The following CNIH1 variants were observed in gnomAD, a reference collection of about 807,000 sequenced individuals.
CNIH1 encodes cornichon family member 1, also known as protein cornichon homolog 1.
Under a neutral mutation model 20.2 loss-of-function variants are expected in CNIH1, and 12 were observed. The ratio of observed to expected loss-of-function variants is 0.59; its 90% confidence interval spans 0.38 to 0.96. The LOEUF is 0.96. CNIH1 is among the 40% of genes least tolerant of loss of function. The pLI, the probability that CNIH1 is intolerant of heterozygous loss-of-function variation, is 0.00. For synonymous variants in CNIH1, 69 were observed against 63.3 expected (o/e 1.09, Z -0.43); for missense variants, 152 against 178.8 (o/e 0.85, Z 0.85).
intron 2 of CNIH1, chr14:54,435,953 G>C: frequency 3.4e-6 from 2 of 592,544 alleles, no homozygotes; most frequent in South Asian, 4.3e-5. Context: ...GAAATTTCAT[G>C]AAATCATAAA....
intron 1 of CNIH1, among the ~76,000 whole-genome samples, chr14:54,437,713 T>C (rs891513133): frequency 6.6e-6 from 1 of 152,002 alleles, no homozygotes; most frequent in Non-Finnish European, 1.5e-5. Flanking sequence ...CAGGGGGATT[T>C]CCCTTGGCTA....
chr14:54,429,053 C>T (rs950558348), intron 4 of CNIH1, among the ~76,000 whole-genome samples: 2 of 152,108 alleles, frequency 1.3e-5, no homozygotes, highest in African/African-American at 4.8e-5. Flanking sequence ...AAAGTCCTCT[C>T]TAGTTGAGTA....
chr14:54,432,003 A>G lies in CNIH1; in HGVS notation c.263+105T>C, dbSNP rs569716616. On this transcript the variant is annotated intron_variant, in intron 3 of 4. Transcript: ENST00000216416. Reference sequence around the variant, plus strand: ...TTTTTAAAAAAATAAATGCCAACTGATCTTCCATTTTTATGTAGGTGACTA... The same window carrying G: ...TTTTTAAAAAAATAAATGCCAACTGGTCTTCCATTTTTATGTAGGTGACTA... 1.1e-3 allele frequency: 560 copies of G among 505,438 alleles called. 4 individuals are homozygous for G. Among genetic ancestry groups the G allele is most frequent in the African/African-American group, 0.01 (517 of 49,974 alleles). The allele number at this position is 505,438 out of a possible 1,614,324, so 31.3% of individuals were successfully genotyped here.
At chr14:54,436,465 C>A in intron 1 of CNIH1, 28 bp from the exon 2 acceptor site, 1 of 1,245,742 alleles carries the variant, frequency 8.0e-7, no homozygotes, top group Non-Finnish European at 1.2e-6. Flanking sequence ...CAGTTAGGAC[C>A]ACTCACTTTA....
chr14:54,439,587 G>A (rs112586652), intron 1 of CNIH1, among the ~76,000 whole-genome samples: 1 of 149,596 alleles, frequency 6.7e-6, no homozygotes, highest in Admixed American at 6.7e-5. Context: ...CGGAGTCTCC[G>A]CCCAGGATGG....
intron 1 of CNIH1, among the ~76,000 whole-genome samples, chr14:54,437,439 C>T (rs532497825): frequency 2.8e-4 from 41 of 147,892 alleles, no homozygotes; most frequent in African/African-American, 8.2e-4. Flanking sequence ...CATAAAAAGA[C>T]GGTTTTTTTA....
chr14:54,441,118 C>G, intron 1 of CNIH1, 129 bp downstream of exon 1: 3 of 990,684 alleles, frequency 3.0e-6, no homozygotes, highest in South Asian at 4.6e-5. Flanking sequence ...CGCCGCGCGG[C>G]CCGTGCCAGC....
chr14:54,435,681 CCA>C (rs1334220692), intron 2 of CNIH1, among the ~76,000 whole-genome samples: 3 of 152,092 alleles, frequency 2.0e-5, no homozygotes, highest in African/African-American at 7.2e-5. Context: ...CTCATTTATT[CCA>C]GAATATGCAA....
rs563962848 is a variant in CNIH1, at chr14:54,427,598, C to T, written c.*216G>A. 4.5e-5 allele frequency: 25 copies of T among 557,932 alleles called. No individual in the cohort carries two copies. The highest frequency in any genetic ancestry group is 1.3e-4 in the South Asian group (5 of 39,370). The allele number at this position is 557,932 out of a possible 1,614,324, so 34.6% of individuals were successfully genotyped here. A position where few individuals can be genotyped will look rare whatever the true frequency, so the allele number is the denominator to read the frequency against. ...GGTAATCATTTTATATTAATTTATA[C>T]GTAATACCATTTAAAATCTTTATCT... On this transcript the variant is annotated 3_prime_UTR_variant, in exon 5 of 5. Coordinates refer to ENST00000216416, the MANE Select transcript of CNIH1 (RefSeq NM_005776.3).
At position 54,430,522 on chromosome 14, in the gene CNIH1, T is replaced by C; in HGVS notation, c.264-118A>G. 5 of 937,136 alleles carry C rather than the reference T, an allele frequency of 5.3e-6. No individual in the cohort carries two copies. The East Asian group carries it at 1.0e-4, about 19-fold the overall frequency. 58.1% of individuals were successfully genotyped at this position (937,136 alleles called of 1,614,324 possible). ...GGTGGTCCATAAAGGGAAGCATTCTTTTACTTATGGGTAAAATGCTTTCCT... is the reference window on the plus strand; with the variant it reads ...GGTGGTCCATAAAGGGAAGCATTCTCTTACTTATGGGTAAAATGCTTTCCT... On this transcript the variant is annotated intron_variant, in intron 3 of 4. Coordinates refer to ENST00000216416, the MANE Select transcript of CNIH1 (RefSeq NM_005776.3).
intron 2 of CNIH1, among the ~76,000 whole-genome samples, chr14:54,433,307 C>A (rs1427719704): frequency 1.3e-5 from 2 of 152,132 alleles, no homozygotes; most frequent in Non-Finnish European, 2.9e-5. Context: ...ATTGTAATCA[C>A]ACTACATACT....
At chr14:54,433,552 CAAG>C (rs2030990341) in intron 2 of CNIH1, among the ~76,000 whole-genome samples, 1 of 152,064 alleles carries the variant, frequency 6.6e-6, no homozygotes, top group Admixed American at 6.6e-5. Context: ...GTTCTCTAAA[CAAG>C]AAAAGGGCCA....
In CNIH1 at chr14:54,441,271, C is replaced by T. The variant is rs1026844892; in HGVS notation, c.57G>A (p.Ala19=). Residue 19 remains alanine (A), a synonymous_variant, in exon 1 of 5, where the codon GCG becomes GCA. Coordinates refer to ENST00000216416, the MANE Select transcript of CNIH1 (RefSeq NM_005776.3). ...CYMLALLLTA[A]LIFFAIWHII... ...CGTGCCAAATGGCGAAGAAGATGAG[C>T]GCGGCAGTGAGCAGCAGCGCCAGCA... 51 of 1,521,070 alleles carry T rather than the reference C, an allele frequency of 3.4e-5. No homozygotes were observed. The African/African-American group carries it at 6.1e-4, about 18-fold the overall frequency. The allele number at this position is 1,521,070 out of a possible 1,614,324, so 94.2% of individuals were successfully genotyped here. A position where few individuals can be genotyped will look rare whatever the true frequency, so the allele number is the denominator to read the frequency against.
intron 1 of CNIH1, among the ~76,000 whole-genome samples, chr14:54,440,973 C>G (rs983231685): frequency 6.6e-6 from 1 of 151,962 alleles, no homozygotes; most frequent in East Asian, 1.9e-4. Flanking sequence ...CCGCGGGCGC[C>G]CGCCTGGACC....
At chr14:54,428,128 TCA>T (rs2030863595) in intron 4 of CNIH1, among the ~76,000 whole-genome samples, 1 of 152,110 alleles carries the variant, frequency 6.6e-6, no homozygotes, top group Non-Finnish European at 1.5e-5. Context: ...CATCCAAACA[TCA>T]CACACTCTGG....
At chr14:54,437,624 G>A (rs1043274580) in intron 1 of CNIH1, among the ~76,000 whole-genome samples, 5 of 151,444 alleles carry the variant, frequency 3.3e-5, no homozygotes, top group African/African-American at 1.2e-4. Flanking sequence ...ACATAGTTAA[G>A]TGTTCAATAA....
chr14:54,430,282 G>A lies in CNIH1; in HGVS notation c.386C>T (p.Ala129Val), dbSNP rs2030907832. Reference protein sequence around the residue: ...GWCKLAFYLLAFFYYLYGMIY... With the variant: ...GWCKLAFYLLVFFYYLYGMIY... ...TTACCCATATAGGTAGTAAAAAAAT[G>A]CTAGAAGATAAAAAGCTAATTTGCA... Residue 129 changes from alanine (A) to valine (V), a missense_variant, in exon 4 of 5, where the codon GCA becomes GTA. By Grantham distance (64) the Ala-to-Val change is moderately conservative (BLOSUM62 0). Coordinates refer to ENST00000216416, the MANE Select transcript of CNIH1 (RefSeq NM_005776.3). The A allele has an allele frequency of 6.2e-7, 1 of 1,613,998 alleles. No homozygotes were observed. The highest frequency in any genetic ancestry group is 8.5e-7 in the Non-Finnish European group (1 of 1,179,896).
intron 4 of CNIH1, chr14:54,430,011 A>C: frequency 2.2e-6 from 1 of 454,982 alleles, no homozygotes; most frequent in Non-Finnish European, 4.0e-6. Flanking sequence ...TTACTGACTG[A>C]ATGTGTCTGA....
intron 1 of CNIH1, 27 bp downstream of exon 1, chr14:54,441,220 C>T: frequency 6.7e-7 from 1 of 1,488,704 alleles, no homozygotes; most frequent in South Asian, 1.3e-5. Context: ...CCGCCTCGCC[C>T]TCCTTTCCCC....
Sources: gnomAD v4.1 joint callset for allele counts (sites outside exome capture counted in the v4.1 genomes callset) on GRCh38, gnomAD v4.1.1 for gene constraint, MANE v1.5 for transcripts, NCBI Gene and HGNC (gene_info 2026-07-23, HGNC 2026-07-21) for gene names.